Variants in IMPDH1 observed in about 807,000 individuals in gnomAD.
The protein encoded by IMPDH1 is inosine monophosphate dehydrogenase 1.
IMPDH1 carries 41 observed loss-of-function variants against 73.5 expected under a neutral mutation model. The observed-to-expected ratio is 0.56, with a 90% CI of 0.43 to 0.72. The LOEUF (loss-of-function observed/expected upper bound fraction) is 0.72, where lower values mean the gene tolerates loss of function less well. Ranked by LOEUF, IMPDH1 falls within the 30% of genes least tolerant of loss-of-function variation. The pLI, the probability that IMPDH1 is intolerant of heterozygous loss-of-function variation, is 0.00. For missense variants in IMPDH1, 645 were observed against 824.8 expected (o/e 0.78, Z 2.67); for synonymous variants, 318 against 334.3 (o/e 0.95, Z 0.53).
intron 3 of IMPDH1, among the ~76,000 whole-genome samples, chr7:128,406,302 C>T (rs1798766336): frequency 2.6e-4 from 1 of 3,788 alleles, no homozygotes; most frequent in Non-Finnish European, 8.6e-4. Context: ...CACACCCCCA[C>T]ACCCCCCACC....
intron 3 of IMPDH1, among the ~76,000 whole-genome samples, chr7:128,407,173 G>T (rs956633677): frequency 6.6e-6 from 1 of 152,210 alleles, no homozygotes; most frequent in Admixed American, 6.5e-5. Context: ...GGTGGTGTGG[G>T]ACACAGTCCC....
intron 7 of IMPDH1, 65 bp from the exon 8 acceptor site, chr7:128,400,604 C>T: frequency 6.7e-7 from 1 of 1,487,654 alleles, no homozygotes; most frequent in Non-Finnish European, 9.3e-7. Context: ...AGGCTGGCCA[C>T]AGGGAACAGA....
chr7:128,396,861 GCT>G lies in IMPDH1; in HGVS notation c.1165+69_1165+70del. 7.9e-7 allele frequency: 1 copy of G among 1,265,956 alleles called. No individual in the cohort carries two copies. Among genetic ancestry groups the G allele is most frequent in the South Asian group, 1.2e-5 (1 of 83,740 alleles). 78.4% of individuals were successfully genotyped at this position (1,265,956 alleles called of 1,614,324 possible). A position where few individuals can be genotyped will look rare whatever the true frequency, so the allele number is the denominator to read the frequency against. ...AGGAGCCATACCATCACCTAGGGAT[GCT>G]GAAGGACAGAAAAGGGTTACTCATT... On this transcript the variant is annotated intron_variant, in intron 11 of 16. Coordinates refer to ENST00000338791, the MANE Select transcript of IMPDH1 (RefSeq NM_000883.4). The surrounding 1 kb of genome is among the most constrained non-coding windows in gnomAD (Gnocchi z 4.0).
Position 128,398,628 on chromosome 7 carries a change from A to C in IMPDH1, c.875-15T>G. ...AGGCAGCTTCCCTGACAAGGAATGC[A>C]GGGGTGAAATGAAGCAGGCTTGGTG... On this transcript the variant is annotated splice_polypyrimidine_tract_variant and intron_variant, in intron 9 of 16. Coordinates refer to ENST00000338791, the MANE Select transcript of IMPDH1 (RefSeq NM_000883.4). The surrounding 1 kb of genome is among the most constrained non-coding windows in gnomAD (Gnocchi z 4.3). The C allele has an allele frequency of 6.2e-7, 1 of 1,609,224 alleles. No homozygotes were observed. The highest frequency in any genetic ancestry group is 8.5e-7 in the Non-Finnish European group (1 of 1,176,168).
intron 12 of IMPDH1, 144 bp from the exon 13 acceptor site, chr7:128,395,418 A>G: frequency 1.0e-6 from 1 of 976,780 alleles, no homozygotes; most frequent in Non-Finnish European, 1.5e-6. Context: ...GAGGCATAAC[A>G]TAGGTGCTGG....
intron 8 of IMPDH1, 67 bp downstream of exon 8, chr7:128,400,266 C>A: frequency 6.2e-7 from 1 of 1,603,762 alleles, no homozygotes. Context: ...GTCACAGGCA[C>A]CAGTCTGAGG....
At chr7:128,393,867 T>C (rs1038651054) in intron 16 of IMPDH1, 2 of 313,224 alleles carry the variant, frequency 6.4e-6, no homozygotes, top group East Asian at 7.9e-5. Flanking sequence ...CCGCCCACGG[T>C]TGCCCCAGCG....
In IMPDH1 at chr7:128,396,554, C is replaced by T. The variant is rs201565157; in HGVS notation, c.1261+46G>A. 1.5e-5 allele frequency: 21 copies of T among 1,366,902 alleles called. No homozygotes were observed. Among genetic ancestry groups the T allele is most frequent in the South Asian group, 7.5e-5 (6 of 80,518 alleles). The allele number at this position is 1,366,902 out of a possible 1,614,324, so 84.7% of individuals were successfully genotyped here. On this transcript the variant is annotated intron_variant, in intron 12 of 16. Transcript: ENST00000338791. This position sits in a 1 kb window ranked among gnomAD's most constrained non-coding sequence, Gnocchi z 4.0. Reference sequence around the variant, plus strand: ...TTGATATACATCTGGGGAACAAAGGCGAGGCCCCGGGGCCAGCGGGCACTC... The same window carrying T: ...TTGATATACATCTGGGGAACAAAGGTGAGGCCCCGGGGCCAGCGGGCACTC...
In IMPDH1 at chr7:128,398,233, T is replaced by C. The variant is rs1798065930; in HGVS notation, c.1074+181A>G. Among the ~76,000 whole-genome samples, 2 of 152,196 alleles carry C rather than the reference T, an allele frequency of 1.3e-5. No homozygotes were observed. The highest frequency in any genetic ancestry group is 2.4e-5 in the African/African-American group (1 of 41,432). ...CTAGCTCACTGTGACCTTGAACCTC[T>C]GAGCTCAGGCAATCCTGCTGCCACC... On this transcript the variant is annotated intron_variant, in intron 10 of 16. Coordinates refer to ENST00000338791, the MANE Select transcript of IMPDH1 (RefSeq NM_000883.4). This position sits in a 1 kb window ranked among gnomAD's most constrained non-coding sequence, Gnocchi z 4.3.
rs1451937347 is a variant in IMPDH1 at position 128,396,639 on chromosome 7, C to T, written c.1222G>A (p.Val408Met). ...CAGATGGAGCCGCAGCCCATGCCCACGCGCAGCCCGTCCACACCAGCATCA... is the reference window on the plus strand; with the variant it reads ...CAGATGGAGCCGCAGCCCATGCCCATGCGCAGCCCGTCCACACCAGCATCA... ...LIDAGVDGLR[V>M]GMGCGSICIT... is the part of the protein sequence containing the mutation. The change falls in exon 12 of 17, where the codon GTG (valine) becomes ATG (methionine). Residue 408 changes from valine to methionine, a missense_variant. Transcript: ENST00000338791. This position sits in a 1 kb window ranked among gnomAD's most constrained non-coding sequence, Gnocchi z 4.0. The T allele has an allele frequency of 2.6e-6, 4 of 1,555,580 alleles. No homozygotes were observed. Among genetic ancestry groups the T allele is most frequent in the African/African-American group, 1.4e-5 (1 of 73,514 alleles).
Position 128,400,430 on chromosome 7 carries a change from G to C in IMPDH1, c.689C>G (p.Thr230Ser). 1 of 1,612,388 alleles carries C rather than the reference G, an allele frequency of 6.2e-7. No individual in the cohort carries two copies. The highest frequency in any genetic ancestry group is 8.5e-7 in the Non-Finnish European group (1 of 1,179,920). ...MRHGFSGIPI[T>S]ETGTMGSKLV... ...CTTGCTGCCCATGGTGCCCGTCTCA[G>C]TGATGGGGATGCCAGAGAAGCCATG... The change falls in exon 8 of 17, where the codon ACT becomes AGT. Residue 230 changes from threonine to serine, a missense_variant. By Grantham distance (58) the Thr-to-Ser change is moderately conservative. Around this residue, in one of 2 missense-constraint regions of IMPDH1, gnomAD observed 459 missense variants for 638.2 expected, o/e 0.72. Coordinates refer to ENST00000338791, the MANE Select transcript of IMPDH1 (RefSeq NM_000883.4).
At chr7:128,405,663 C>G (rs1399648946) in intron 4 of IMPDH1, 104 bp downstream of exon 4, 1 of 1,426,932 alleles carries the variant, frequency 7.0e-7, no homozygotes, top group African/African-American at 1.5e-5. Context: ...AGCAGGCACT[C>G]GCACCGGGCA....
intron 9 of IMPDH1, among the ~76,000 whole-genome samples, chr7:128,399,830 G>A (rs1798190256): frequency 6.6e-6 from 1 of 152,234 alleles, no homozygotes; most frequent in Non-Finnish European, 1.5e-5. Flanking sequence ...ATAGAGAAAG[G>A]AGTTATTGCT....
chr7:128,400,597 C>T, intron 7 of IMPDH1, 58 bp from the exon 8 acceptor site: 1 of 1,521,178 alleles, frequency 6.6e-7, no homozygotes, highest in Non-Finnish European at 9.0e-7. Context: ...GATGTCCAGG[C>T]TGGCCACAGG....
At chr7:128,408,090 G>GC (rs1187667254) in intron 3 of IMPDH1, among the ~76,000 whole-genome samples, 1 of 152,152 alleles carries the variant, frequency 6.6e-6, no homozygotes, top group Non-Finnish European at 1.5e-5. Context: ...CCATGGGGAG[G>GC]AGACACCGAG....
chr7:128,397,612 T>A (rs1477752498), intron 10 of IMPDH1, among the ~76,000 whole-genome samples: 3 of 152,192 alleles, frequency 2.0e-5, no homozygotes, highest in African/African-American at 7.2e-5. Flanking sequence ...AGAATACAGA[T>A]GAATCTAGAT....
Position 128,394,959 on chromosome 7 carries a change from T to C in IMPDH1, c.1480A>G (p.Lys494Glu), listed in dbSNP as rs778966151. The C allele has an allele frequency of 1.2e-6, 2 of 1,613,748 alleles. No individual in the cohort carries two copies. Among genetic ancestry groups the C allele is most frequent in the African/African-American group, 1.3e-5 (1 of 74,910 alleles). ...AGTGAGCCCATGCCCCGGTACTTCT[T>C]GAGCCGCACCCCGTCTGAGAAGAAG... ...EYFFSDGVRL[K>E]KYRGMGSLDA... The change falls in exon 14 of 17, where the codon AAG (lysine) becomes GAG (glutamate). Residue 494 changes from lysine (K) to glutamate (E), a missense_variant. Lys to Glu is a moderately conservative substitution (Grantham distance 56). Around this residue, in one of 2 missense-constraint regions of IMPDH1, gnomAD observed 459 missense variants for 638.2 expected, o/e 0.72. Coordinates refer to ENST00000338791, the MANE Select transcript of IMPDH1 (RefSeq NM_000883.4). The surrounding 1 kb of genome is among the most constrained non-coding windows in gnomAD (Gnocchi z 5.5).
chr7:128,400,794 C>T, intron 7 of IMPDH1, 23 bp downstream of exon 7: 1 of 1,609,942 alleles, frequency 6.2e-7, no homozygotes, highest in Non-Finnish European at 8.5e-7. Context: ...TGGCATCTTG[C>T]TGGGGACAGG....
rs1039311922 is a variant in IMPDH1 at position 128,401,870 on chromosome 7, C to T, written c.403-754G>A. On this transcript the variant is annotated intron_variant, in intron 5 of 16. Coordinates refer to ENST00000338791, the MANE Select transcript of IMPDH1 (RefSeq NM_000883.4). ...TGGAGGAAAGGCCAGAGCACATACC[C>T]CTCTGAGGGTCAGGCCAACAGTAGT... Among the ~76,000 whole-genome samples the T allele has an allele frequency of 1.1e-4, 16 of 152,270 alleles. No individual in the cohort carries two copies. The East Asian group carries it at 2.9e-3, about 28-fold the overall frequency.
Sources: gnomAD v4.1 joint callset for allele counts (sites outside exome capture counted in the v4.1 genomes callset) on GRCh38, gnomAD v4.1.1 for gene constraint, gnomAD v4.1.1 regional missense constraint, Gnocchi (gnomAD v3.1) non-coding constraint, MANE v1.5 for transcripts, NCBI Gene and HGNC (gene_info 2026-07-23, HGNC 2026-07-21) for gene names.